The following NEDD4L variants were observed in gnomAD, a reference collection of about 807,000 sequenced individuals.
NEDD4L encodes E3 ubiquitin-protein ligase NEDD4-like.
In NEDD4L, 54 loss-of-function variants were observed where a neutral mutation model predicts 148.9. The ratio of observed to expected loss-of-function variants is 0.36; its 90% confidence interval spans 0.29 to 0.45. The LOEUF (loss-of-function observed/expected upper bound fraction) is 0.45, where lower values mean the gene tolerates loss of function less well. NEDD4L is among the 20% of genes least tolerant of loss of function. The pLI, the probability that NEDD4L is intolerant of heterozygous loss-of-function variation, is 1.00. For missense variants in NEDD4L, 856 were observed against 1,233.8 expected, an observed-to-expected ratio of 0.69 and a Z score of 4.59; for synonymous variants, 433 against 440.7, an observed-to-expected ratio of 0.98 and a Z score of 0.22.
intron 1 of NEDD4L, among the ~76,000 whole-genome samples, chr18:58,066,143 C>G (rs987370773): frequency 1.3e-5 from 2 of 152,220 alleles, no homozygotes; most frequent in African/African-American, 4.8e-5. Flanking sequence ...TTTTTCTCCC[C>G]TAGTAGTCAC....
intron 2 of NEDD4L, among the ~76,000 whole-genome samples, chr18:58,196,629 G>A (rs535938075): frequency 2.7e-5 from 4 of 148,178 alleles, no homozygotes; most frequent in Non-Finnish European, 6.0e-5. Flanking sequence ...TAAAAAAGAT[G>A]TAGAAATTAA....
intron 5 of NEDD4L, among the ~76,000 whole-genome samples, chr18:58,281,317 T>C (rs2053046480): frequency 6.6e-6 from 1 of 151,930 alleles, no homozygotes; most frequent in Non-Finnish European, 1.5e-5. Flanking sequence ...CCTTTTTTTT[T>C]TTTTTAAACT....
intron 1 of NEDD4L, among the ~76,000 whole-genome samples, chr18:58,048,469 T>C (rs1048950741): frequency 2.6e-5 from 4 of 152,150 alleles, no homozygotes; most frequent in Admixed American, 2.0e-4. Flanking sequence ...GAATGAAAGC[T>C]CAAAGAGGTT....
intron 5 of NEDD4L, among the ~76,000 whole-genome samples, chr18:58,299,416 C>G (rs1489185068): frequency 1.3e-5 from 2 of 152,192 alleles, no homozygotes; most frequent in Non-Finnish European, 2.9e-5. Context: ...TATTTCTTGG[C>G]TGCTAGACAA....
chr18:58,185,987 C>T (rs1197006963), intron 2 of NEDD4L, among the ~76,000 whole-genome samples: 1 of 152,102 alleles, frequency 6.6e-6, no homozygotes, highest in Non-Finnish European at 1.5e-5. Context: ...CATATGCACA[C>T]GTACAGAGAA....
intron 2 of NEDD4L, among the ~76,000 whole-genome samples, chr18:58,203,246 T>A (rs1230956505): frequency 2.0e-5 from 3 of 152,154 alleles, no homozygotes; most frequent in Admixed American, 6.5e-5. Flanking sequence ...GGATGATAGG[T>A]GTAAGCCGCC....
intron 1 of NEDD4L, among the ~76,000 whole-genome samples, chr18:58,103,756 A>C (rs1027803717): frequency 6.6e-6 from 1 of 152,240 alleles, no homozygotes; most frequent in East Asian, 1.9e-4. Context: ...TTATAGAAGA[A>C]ATAGCTGACT....
intron 2 of NEDD4L, among the ~76,000 whole-genome samples, chr18:58,197,609 G>A (rs2040872587): frequency 6.6e-6 from 1 of 152,164 alleles, no homozygotes; most frequent in South Asian, 2.1e-4. Context: ...ATGATCCTTT[G>A]CCTTGATTAA....
chr18:58,161,750 G>A (rs12454098), intron 1 of NEDD4L, among the ~76,000 whole-genome samples: 75,390 of 151,794 alleles, frequency 0.5, 18,920 homozygotes, highest in Admixed American at 0.56. Flanking sequence ...TACTCCCTTC[G>A]TATGATTTTC....
chr18:58,047,246 G>A (rs1205335898), intron 1 of NEDD4L: 3 of 985,116 alleles, frequency 3.0e-6, no homozygotes, highest in East Asian at 1.1e-4. Flanking sequence ...CTATTTAGAA[G>A]AGTGACCTCA....
At chr18:58,359,311 T>C (rs2045159730) in intron 19 of NEDD4L, among the ~76,000 whole-genome samples, 1 of 152,226 alleles carries the variant, frequency 6.6e-6, no homozygotes, top group Admixed American at 6.5e-5. Context: ...ATTTTCTCTA[T>C]GTGCTTGCAG....
intron 1 of NEDD4L, among the ~76,000 whole-genome samples, chr18:58,150,245 T>C (rs780040587): frequency 7.2e-5 from 11 of 152,246 alleles, no homozygotes; most frequent in South Asian, 2.1e-4. Flanking sequence ...GTTGTTGTTA[T>C]TGTTTTGAGA....
chr18:58,115,742 G>A (rs949348875), intron 1 of NEDD4L, among the ~76,000 whole-genome samples: 1 of 152,194 alleles, frequency 6.6e-6, no homozygotes, highest in Admixed American at 6.5e-5. Flanking sequence ...CTTGGGACAT[G>A]AGCAAAACGT....
At chr18:58,286,339 T>A (rs2053899301) in intron 5 of NEDD4L, among the ~76,000 whole-genome samples, 1 of 152,206 alleles carries the variant, frequency 6.6e-6, no homozygotes, top group African/African-American at 2.4e-5. Flanking sequence ...AGGTGCCAAT[T>A]TAAGATGCTA....
chr18:58,360,343 C>T (rs2045303218), intron 19 of NEDD4L, among the ~76,000 whole-genome samples: 3 of 152,202 alleles, frequency 2.0e-5, no homozygotes, highest in Non-Finnish European at 4.4e-5. Context: ...ACATTTACTT[C>T]TCTTTCACAT....
At chr18:58,394,297 A>G (rs1329599997) in intron 30 of NEDD4L, among the ~76,000 whole-genome samples, 1 of 152,240 alleles carries the variant, frequency 6.6e-6, no homozygotes, top group Non-Finnish European at 1.5e-5. Flanking sequence ...TGGGATGCAA[A>G]GCGGTGAAGC....
chr18:58,109,165 G>A (rs1042424415), intron 1 of NEDD4L, among the ~76,000 whole-genome samples: 3 of 152,234 alleles, frequency 2.0e-5, no homozygotes, highest in Non-Finnish European at 4.4e-5. Context: ...ATTAGAATAA[G>A]GCAAGGCTCC....
chr18:58,180,231 A>G (rs1041381795), intron 2 of NEDD4L, among the ~76,000 whole-genome samples: 3 of 152,164 alleles, frequency 2.0e-5, no homozygotes, highest in Admixed American at 2.0e-4. Flanking sequence ...GCCGGTGCCC[A>G]GAACCACCCC....
chr18:58,062,111 C>T (rs2082362154), intron 1 of NEDD4L, among the ~76,000 whole-genome samples: 1 of 152,148 alleles, frequency 6.6e-6, no homozygotes, highest in African/African-American at 2.4e-5. Flanking sequence ...GATGATGTTC[C>T]AAAGAAGGCT....
Sources: allele counts gnomAD v4.1 joint callset (sites outside exome capture counted in the v4.1 genomes callset), GRCh38; gene constraint gnomAD v4.1.1; transcripts MANE v1.5; gene names NCBI Gene and HGNC (gene_info 2026-07-23, HGNC 2026-07-21).